Variants in DLC1 observed in about 807,000 individuals in gnomAD.
DLC1 encodes rho GTPase-activating protein 7.
In DLC1, 54 loss-of-function variants were observed where a neutral mutation model predicts 140.3. The observed-to-expected ratio is 0.38, with a 90% CI of 0.31 to 0.48. The LOEUF (loss-of-function observed/expected upper bound fraction) is 0.48. Among genes scored for constraint, DLC1 ranks in the 20% least tolerant of loss-of-function variants. The pLI is 0.96. For missense variants in DLC1, 2,536 were observed against 1,907.0 expected, an observed-to-expected ratio of 1.33 and a Z score of -6.14; for synonymous variants, 986 against 728.1, an observed-to-expected ratio of 1.35 and a Z score of -5.70.
intron 1 of DLC1, among the ~76,000 whole-genome samples, chr8:13,508,697 C>T (rs1273203399): frequency 2.0e-5 from 3 of 152,064 alleles, no homozygotes; most frequent in Non-Finnish European, 4.4e-5. Flanking sequence ...GGATTACAGG[C>T]GTGAGCCACC....
At chr8:13,445,324 G>A (rs562326895) in intron 2 of DLC1, among the ~76,000 whole-genome samples, 226 of 152,266 alleles carry the variant, frequency 1.5e-3, no homozygotes, top group African/African-American at 5.3e-3. Flanking sequence ...GATGTGGGAG[G>A]ATAAACGAAT....
At position 13,451,037 on chromosome 8, in the gene DLC1, C is replaced by CAAAAAAAAAAAAAAAAAAAAAAAAAAAA. The variant is rs1169620786; in HGVS notation, c.1023+47984_1023+48011dup. 1.7e-3 allele frequency among the ~76,000 whole-genome samples: 31 copies of CAAAAAAAAAAAAAAAAAAAAAAAAAAAA among 18,372 alleles called. 8 individuals are homozygous for CAAAAAAAAAAAAAAAAAAAAAAAAAAAA. Among genetic ancestry groups the CAAAAAAAAAAAAAAAAAAAAAAAAAAAA allele is most frequent in the Admixed American group, 4.0e-3 (4 of 988 alleles). The allele number at this position is 18,372 out of a possible 152,430, so 12.1% of individuals were successfully genotyped here. Reference sequence around the variant, plus strand: ...CTGGTGATAGAGTGAGACTCCGTCTCAAAAAAAAAAAAAAAAAAAAAAAAA... The same window carrying CAAAAAAAAAAAAAAAAAAAAAAAAAAAA: ...CTGGTGATAGAGTGAGACTCCGTCTCAAAAAAAAAAAAAAAAAAAAAAAAAAAAAAAAAAAAAAAAAAAAAAAAAAAAA... On this transcript the variant is annotated intron_variant, in intron 2 of 17. Coordinates refer to ENST00000276297, the MANE Select transcript of DLC1 (RefSeq NM_182643.3).
chr8:13,418,758 T>C (rs1419003849), intron 2 of DLC1, among the ~76,000 whole-genome samples: 2 of 152,116 alleles, frequency 1.3e-5, no homozygotes, highest in African/African-American at 2.4e-5. Flanking sequence ...AAGAAAGTCA[T>C]TGGTAGCTTG....
At chr8:13,289,145 C>G (rs1354550529) in intron 5 of DLC1, among the ~76,000 whole-genome samples, 5 of 152,122 alleles carry the variant, frequency 3.3e-5, no homozygotes, top group African/African-American at 1.2e-4. Context: ...CCACAGTGCT[C>G]TATAATTCCT....
intron 2 of DLC1, among the ~76,000 whole-genome samples, chr8:13,467,902 G>A (rs957361964): frequency 4.0e-5 from 6 of 151,864 alleles, no homozygotes; most frequent in East Asian, 3.9e-4. Flanking sequence ...TTTATTCCTG[G>A]GATAAACCCA....
chr8:13,327,348 A>G (rs1468250118), intron 4 of DLC1, among the ~76,000 whole-genome samples: 1 of 152,048 alleles, frequency 6.6e-6, no homozygotes, highest in Non-Finnish European at 1.5e-5. Context: ...AAGAAAGACT[A>G]TTTCTAGAAT....
At chr8:13,103,127 G>A (rs1044702271) in intron 7 of DLC1, among the ~76,000 whole-genome samples, 28 of 151,692 alleles carry the variant, frequency 1.8e-4, no homozygotes, top group Non-Finnish European at 7.4e-5. Context: ...TGGCTAACAC[G>A]GTGAAACCCC....
intron 5 of DLC1, among the ~76,000 whole-genome samples, chr8:13,213,382 T>C (rs976869113): frequency 1.3e-5 from 2 of 152,252 alleles, no homozygotes; most frequent in Admixed American, 1.3e-4. Context: ...TCTATATTTC[T>C]ACATACAGAT....
In DLC1 at chr8:13,487,850, C is replaced by T. The variant is rs532727864; in HGVS notation, c.1023+11199G>A. ...CCTCCCAAAGTGCTGGGATTACAGGCGTGAGCCACTGCACCAGGCCTGAAA... is the reference window on the plus strand; with the variant it reads ...CCTCCCAAAGTGCTGGGATTACAGGTGTGAGCCACTGCACCAGGCCTGAAA... On this transcript the variant is annotated intron_variant, in intron 2 of 17. Transcript: ENST00000276297. Among the ~76,000 whole-genome samples, 24 of 152,274 alleles carry T rather than the reference C, an allele frequency of 1.6e-4. No individual in the cohort carries two copies. In the South Asian group the frequency reaches 2.9e-3, roughly 18 times the overall value.
At chr8:13,088,809 G>T in intron 15 of DLC1, 105 bp from the exon 16 acceptor site, 1 of 844,508 alleles carries the variant, frequency 1.2e-6, no homozygotes, top group East Asian at 2.6e-5. Flanking sequence ...TATAATCAAC[G>T]TTAATTGATT....
At chr8:13,413,246 T>G (rs978462266) in intron 2 of DLC1, among the ~76,000 whole-genome samples, 12 of 143,190 alleles carry the variant, frequency 8.4e-5, no homozygotes, top group African/African-American at 2.9e-4. Flanking sequence ...CATTATGAGA[T>G]TTTTTTGCGA....
chr8:13,120,783 C>T (rs781313568), intron 5 of DLC1, among the ~76,000 whole-genome samples: 13 of 152,002 alleles, frequency 8.6e-5, no homozygotes, highest in East Asian at 1.9e-4. Context: ...GGATGAGTCC[C>T]GGACACCCTT....
intron 1 of DLC1, among the ~76,000 whole-genome samples, chr8:13,512,366 T>C (rs1802412739): frequency 6.6e-6 from 1 of 152,152 alleles, no homozygotes; most frequent in Admixed American, 6.5e-5. Context: ...GCAACAAATA[T>C]TGTCATATAT....
intron 1 of DLC1, among the ~76,000 whole-genome samples, chr8:13,546,602 GTTT>G (rs1346553801): frequency 3.3e-5 from 5 of 152,104 alleles, no homozygotes; most frequent in African/African-American, 1.2e-4. Flanking sequence ...TCGCATTGAA[GTTT>G]TATGTAAATG....
At chr8:13,474,518 C>T (rs1029730552) in intron 2 of DLC1, among the ~76,000 whole-genome samples, 2 of 152,146 alleles carry the variant, frequency 1.3e-5, no homozygotes, top group Admixed American at 6.5e-5. Flanking sequence ...GTCCTCCAGA[C>T]CCCAGAATGG....
At chr8:13,293,190 A>G (rs775736488) in intron 5 of DLC1, among the ~76,000 whole-genome samples, 25 of 152,256 alleles carry the variant, frequency 1.6e-4, no homozygotes, top group Non-Finnish European at 3.1e-4. Flanking sequence ...TGATTGCACT[A>G]CTGCATTCCA....
chr8:13,415,284 A>G (rs1055039595), intron 2 of DLC1, among the ~76,000 whole-genome samples: 1 of 152,220 alleles, frequency 6.6e-6, no homozygotes, highest in Non-Finnish European at 1.5e-5. Flanking sequence ...TTTGAAATTT[A>G]AAAATATTAT....
chr8:13,091,342 G>C lies in DLC1; in HGVS notation c.3831C>G (p.Ile1277Met). ...LAATQGLAHM[I>M]AECKKLFQVP... ...CCTGGAAAAGCTTCTTGCACTCGGC[G>C]ATCATATGGGCCAGCCCTTGAGTGG... The change falls in exon 14 of 18, where the codon ATC (isoleucine) becomes ATG (methionine). Residue 1277 changes from isoleucine (I) to methionine (M), a missense_variant. Ile to Met is a conservative substitution (Grantham distance 10, BLOSUM62 1). Transcript: ENST00000276297. 1 of 1,614,072 alleles carries C rather than the reference G, an allele frequency of 6.2e-7. No individual in the cohort carries two copies. Among genetic ancestry groups the C allele is most frequent in the South Asian group, 1.1e-5 (1 of 91,078 alleles).
chr8:13,131,232 G>C (rs1822049755), intron 5 of DLC1, among the ~76,000 whole-genome samples: 1 of 152,156 alleles, frequency 6.6e-6, no homozygotes, highest in Non-Finnish European at 1.5e-5. Context: ...CTGTAGTCCA[G>C]ATGGATGGCG....
Sources: allele counts gnomAD v4.1 joint callset (sites outside exome capture counted in the v4.1 genomes callset), GRCh38; gene constraint gnomAD v4.1.1; transcripts MANE v1.5; gene names NCBI Gene and HGNC (gene_info 2026-07-23, HGNC 2026-07-21).